The following SYNPR variants were observed in gnomAD, a reference collection of about 807,000 sequenced individuals.
SYNPR encodes the protein synaptoporin.
A neutral mutation model predicts 32.9 loss-of-function variants in SYNPR; 23 were observed. That is an observed-to-expected ratio of 0.70 (90% confidence interval 0.50 to 0.99). SYNPR has a LOEUF of 0.99. Ranked by LOEUF, SYNPR falls within the 50% of genes least tolerant of loss-of-function variation. The pLI, the probability that SYNPR is intolerant of heterozygous loss-of-function variation, is 0.00. For missense variants in SYNPR, 318 were observed against 349.3 expected, an observed-to-expected ratio of 0.91 and a Z score of 0.71; for synonymous variants, 146 against 135.9, an observed-to-expected ratio of 1.07 and a Z score of -0.52.
intron 4 of SYNPR, among the ~76,000 whole-genome samples, chr3:63,559,194 A>G (rs1702643692): frequency 6.6e-6 from 1 of 151,454 alleles, no homozygotes; most frequent in Admixed American, 6.6e-5. Context: ...CAGCCCCCCA[A>G]GCTCCCAAGT....
chr3:63,274,152 G>A (rs2086557195), upstream of SYNPR, among the ~76,000 whole-genome samples: 1 of 152,150 alleles, frequency 6.6e-6, no homozygotes, highest in African/African-American at 2.4e-5. Flanking sequence ...TAACATACGG[G>A]TAGTGTTTCC....
At chr3:63,264,455 G>A (rs377284769) in intron 2 of SYNPR, among the ~76,000 whole-genome samples, 4 of 151,986 alleles carry the variant, frequency 2.6e-5, no homozygotes, top group Non-Finnish European at 4.4e-5. Flanking sequence ...GAAACTCCTC[G>A]AGCTTTTAAG....
At chr3:63,423,390 A>T (rs1279118212) in intron 2 of SYNPR, among the ~76,000 whole-genome samples, 2 of 152,224 alleles carry the variant, frequency 1.3e-5, no homozygotes, top group Non-Finnish European at 2.9e-5. Context: ...CTTTGTTACA[A>T]GGCTGGCCAG....
chr3:63,450,917 A>G (rs1469912037), intron 2 of SYNPR, among the ~76,000 whole-genome samples: 1 of 152,204 alleles, frequency 6.6e-6, no homozygotes, highest in Non-Finnish European at 1.5e-5. Flanking sequence ...CCTTTCAAGT[A>G]TATTGCTCTG....
intron 2 of SYNPR, among the ~76,000 whole-genome samples, chr3:63,332,752 C>G (rs73108907): frequency 0.052 from 7,836 of 152,150 alleles, 247 homozygotes; most frequent in Middle Eastern, 0.089. Context: ...CAAAGTCACC[C>G]AGCTATTTGG....
intron 3 of SYNPR, among the ~76,000 whole-genome samples, chr3:63,528,991 A>AC (rs1702065003): frequency 6.6e-6 from 1 of 152,200 alleles, no homozygotes; most frequent in South Asian, 2.1e-4. Flanking sequence ...GGATTAAAGA[A>AC]CTCATGAATC....
chr3:63,503,051 A>T (rs1701513020), intron 3 of SYNPR, among the ~76,000 whole-genome samples: 1 of 152,128 alleles, frequency 6.6e-6, no homozygotes, highest in African/African-American at 2.4e-5. Flanking sequence ...GAAATCACCA[A>T]ATTGCTTTCC....
At chr3:63,379,523 T>C (rs1434760507) in intron 2 of SYNPR, among the ~76,000 whole-genome samples, 1 of 152,162 alleles carries the variant, frequency 6.6e-6, no homozygotes, top group Non-Finnish European at 1.5e-5. Context: ...TGTACACATT[T>C]AGAACTGCTA....
At chr3:63,233,170 C>T (rs551650749) in intron 1 of SYNPR, among the ~76,000 whole-genome samples, 132 of 152,324 alleles carry the variant, frequency 8.7e-4, no homozygotes, top group Middle Eastern at 6.8e-3. Context: ...CCAAATCAAC[C>T]ATGCTATTTG....
chr3:63,613,610 CAAAAAAAAAAAAAAAA>C (rs10566584), intron 5 of SYNPR, among the ~76,000 whole-genome samples: 2 of 46,028 alleles, frequency 4.3e-5, no homozygotes, highest in Non-Finnish European at 7.3e-5. Context: ...TATGCTGCAG[CAAAAAAAAAAAAAAAA>C]AAAAAAAAAA....
chr3:63,494,651 C>T (rs1208004992), intron 3 of SYNPR, among the ~76,000 whole-genome samples: 1 of 151,520 alleles, frequency 6.6e-6, no homozygotes, highest in African/African-American at 2.4e-5. Flanking sequence ...ACATATTATA[C>T]CCATCAGCGC....
intron 2 of SYNPR, among the ~76,000 whole-genome samples, chr3:63,424,949 AT>A (rs1308231470): frequency 6.6e-6 from 1 of 152,150 alleles, no homozygotes; most frequent in Non-Finnish European, 1.5e-5. Context: ...TTGTGTGTAA[AT>A]TTTTTTAGCA....
At chr3:63,289,044 G>A (rs2086713729) in intron 2 of SYNPR, among the ~76,000 whole-genome samples, 1 of 152,100 alleles carries the variant, frequency 6.6e-6, no homozygotes, top group Non-Finnish European at 1.5e-5. Flanking sequence ...CATGTCTTTT[G>A]GTGTTGTGAT....
At chr3:63,203,914 G>T in the SYNPR span, among the ~76,000 whole-genome samples, 1 of 152,104 alleles carries the variant, frequency 6.6e-6, no homozygotes, top group Non-Finnish European at 1.5e-5. Context: ...CAGGATAATT[G>T]CTTGAACCTG....
chr3:63,346,398 A>G lies in SYNPR; in HGVS notation c.84+67656A>G, dbSNP rs143422775. Among the ~76,000 whole-genome samples the G allele has an allele frequency of 1.5e-3, 231 of 152,322 alleles. 3 individuals are homozygous for G. The highest frequency in any genetic ancestry group is 5.4e-3 in the African/African-American group (226 of 41,580). ...TAAAAATAATTTTTAAAGATTATTTATAACTGTATTTGTTCCTTGCAACTG... is the reference window on the plus strand; with the variant it reads ...TAAAAATAATTTTTAAAGATTATTTGTAACTGTATTTGTTCCTTGCAACTG... On this transcript the variant is annotated intron_variant, in intron 2 of 5. Coordinates refer to ENST00000478300, the MANE Select transcript of SYNPR (RefSeq NM_001130003.2).
At chr3:63,238,381 C>T (rs551880541) in intron 1 of SYNPR, among the ~76,000 whole-genome samples, 11 of 152,032 alleles carry the variant, frequency 7.2e-5, no homozygotes, top group African/African-American at 2.7e-4. Flanking sequence ...TTTCTACCTG[C>T]CAGAGAGAAG....
intron 2 of SYNPR, among the ~76,000 whole-genome samples, chr3:63,300,873 A>G (rs1196662968): frequency 6.6e-6 from 1 of 152,102 alleles, no homozygotes; most frequent in Non-Finnish European, 1.5e-5. Flanking sequence ...TAAGAGCACT[A>G]GAATCTGTCT....
intron 4 of SYNPR, among the ~76,000 whole-genome samples, chr3:63,579,142 A>G (rs998803071): frequency 2.6e-5 from 4 of 152,102 alleles, no homozygotes; most frequent in African/African-American, 9.7e-5. Context: ...CAATATATGT[A>G]TATTTGTTAT....
intron 2 of SYNPR, among the ~76,000 whole-genome samples, chr3:63,403,093 A>G (rs944917929): frequency 6.6e-6 from 1 of 152,206 alleles, no homozygotes; most frequent in African/African-American, 2.4e-5. Context: ...TTCCCGAGTA[A>G]CATAATTATA....
Sources: gnomAD v4.1 joint callset for allele counts (sites outside exome capture counted in the v4.1 genomes callset) on GRCh38, gnomAD v4.1.1 for gene constraint, MANE v1.5 for transcripts, NCBI Gene and HGNC (gene_info 2026-07-23, HGNC 2026-07-21) for gene names.